HS6ST3: variants seen among roughly 807,000 people sequenced by gnomAD.
The protein encoded by HS6ST3 is heparan-sulfate 6-O-sulfotransferase 3.
HS6ST3 carries 12 observed loss-of-function variants against 36.7 expected under a neutral mutation model. That is an observed-to-expected ratio of 0.33 (90% CI 0.21 to 0.53). HS6ST3 has a LOEUF of 0.53. Ranked by LOEUF, HS6ST3 falls within the 20% of genes least tolerant of loss-of-function variation. The pLI is 0.95. For missense variants in HS6ST3, 584 were observed against 640.9 expected (o/e 0.91, Z 0.96); for synonymous variants, 240 against 257.5 (o/e 0.93, Z 0.65).
At chr13:96,731,938 A>G (rs1287475583) in intron 1 of HS6ST3, among the ~76,000 whole-genome samples, 1 of 152,084 alleles carries the variant, frequency 6.6e-6, no homozygotes, top group Non-Finnish European at 1.5e-5. Flanking sequence ...TTACAGGCAT[A>G]ATCTACCACA....
chr13:96,369,633 C>G (rs2055279867), intron 1 of HS6ST3, among the ~76,000 whole-genome samples: 1 of 152,144 alleles, frequency 6.6e-6, no homozygotes, highest in Non-Finnish European at 1.5e-5. Context: ...GTAGCAGACA[C>G]ACAACAAGAC....
At chr13:96,237,257 C>G (rs758086489) in intron 1 of HS6ST3, among the ~76,000 whole-genome samples, 9 of 152,170 alleles carry the variant, frequency 5.9e-5, no homozygotes, top group African/African-American at 9.7e-5. Context: ...AAGATAGAAG[C>G]CAACAGAATG....
rs145806205 is a variant in HS6ST3, at chr13:96,132,819, C to G, written c.707+41250C>G. ...GTCTTTTTGTTAGTAGCCATTATAACAGGTGTGAGGTAATATCTCATTGTG... is the reference window on the plus strand; with the variant it reads ...GTCTTTTTGTTAGTAGCCATTATAAGAGGTGTGAGGTAATATCTCATTGTG... On this transcript the variant is annotated intron_variant, in intron 1 of 1. Coordinates refer to ENST00000376705, the MANE Select transcript of HS6ST3 (RefSeq NM_153456.4). 3.1e-3 allele frequency among the ~76,000 whole-genome samples: 476 copies of G among 152,288 alleles called. 3 individuals carry two copies. Among genetic ancestry groups the G allele is most frequent in the African/African-American group, 0.011 (457 of 41,560 alleles).
intron 1 of HS6ST3, among the ~76,000 whole-genome samples, chr13:96,275,068 T>G (rs1445658065): frequency 6.6e-6 from 1 of 152,018 alleles, no homozygotes; most frequent in African/African-American, 2.4e-5. Context: ...AAAAACCTCC[T>G]CCCAACAAGG....
chr13:96,724,801 G>T (rs1022068391), intron 1 of HS6ST3, among the ~76,000 whole-genome samples: 2 of 152,066 alleles, frequency 1.3e-5, no homozygotes, highest in African/African-American at 4.8e-5. Flanking sequence ...TCTCAATCTT[G>T]CGATATTATA....
Position 96,617,995 on chromosome 13 carries a change from CA to C in HS6ST3, c.708-214493del, listed in dbSNP as rs371453153. 6.2e-4 allele frequency among the ~76,000 whole-genome samples: 94 copies of C among 152,302 alleles called. No homozygotes were observed. The East Asian group carries it at 0.018, about 29-fold the overall frequency. On this transcript the variant is annotated intron_variant, in intron 1 of 1. Coordinates refer to ENST00000376705, the MANE Select transcript of HS6ST3 (RefSeq NM_153456.4). Reference sequence around the variant, plus strand: ...ATCTCAATTAACTTAAACTGAAACTCAATAGTATACATGGGTTTCTATGTCA... The same window carrying C: ...ATCTCAATTAACTTAAACTGAAACTCATAGTATACATGGGTTTCTATGTCA...
chr13:96,368,717 CTTTT>C (rs1231926278), intron 1 of HS6ST3, among the ~76,000 whole-genome samples: 1 of 151,864 alleles, frequency 6.6e-6, no homozygotes. Context: ...TTTCCTCTTT[CTTTT>C]GTTTTTGACT....
chr13:96,556,072 A>G (rs1341090074), intron 1 of HS6ST3, among the ~76,000 whole-genome samples: 2 of 152,190 alleles, frequency 1.3e-5, no homozygotes, highest in Non-Finnish European at 2.9e-5. Context: ...AGTTTCAGGA[A>G]GAGTCTGAAG....
chr13:96,683,591 A>T (rs1440980520), intron 1 of HS6ST3, among the ~76,000 whole-genome samples: 1 of 152,098 alleles, frequency 6.6e-6, no homozygotes, highest in African/African-American at 2.4e-5. Flanking sequence ...ATTCATACCA[A>T]TAGATGTTAG....
At chr13:96,760,127 C>G (rs1335489373) in intron 1 of HS6ST3, among the ~76,000 whole-genome samples, 3 of 151,900 alleles carry the variant, frequency 2.0e-5, no homozygotes, top group South Asian at 2.1e-4. Context: ...TATTGTATAT[C>G]TAGAAGGAAA....
chr13:96,493,960 A>C (rs562591473), intron 1 of HS6ST3, among the ~76,000 whole-genome samples: 2 of 152,324 alleles, frequency 1.3e-5, no homozygotes, highest in South Asian at 4.1e-4. Flanking sequence ...AAAAGCCATT[A>C]GTTCAGAGTC....
At chr13:96,765,116 GA>G (rs1877070590) in intron 1 of HS6ST3, among the ~76,000 whole-genome samples, 1 of 141,398 alleles carries the variant, frequency 7.1e-6, no homozygotes, top group Non-Finnish European at 1.5e-5. Flanking sequence ...GCCCACGCCG[GA>G]CTGCGGACTG....
At chr13:96,170,995 G>A (rs2054185004) in intron 1 of HS6ST3, among the ~76,000 whole-genome samples, 1 of 152,170 alleles carries the variant, frequency 6.6e-6, no homozygotes, top group Non-Finnish European at 1.5e-5. Flanking sequence ...AAATGTTTGG[G>A]AAAGATTTAA....
chr13:96,284,914 T>G (rs9556546), intron 1 of HS6ST3, among the ~76,000 whole-genome samples: 13,890 of 50,906 alleles, frequency 0.27, 752 homozygotes, highest in African/African-American at 0.32. Context: ...ATATTTGCTT[T>G]CTTTCTTTCT....
intron 1 of HS6ST3, among the ~76,000 whole-genome samples, chr13:96,744,757 G>A (rs1360524058): frequency 6.6e-6 from 1 of 152,080 alleles, no homozygotes; most frequent in Non-Finnish European, 1.5e-5. Context: ...CAAGATGAAA[G>A]GGGAAATGTG....
chr13:96,455,307 C>T (rs1418375499), intron 1 of HS6ST3, among the ~76,000 whole-genome samples: 1 of 152,124 alleles, frequency 6.6e-6, no homozygotes, highest in Non-Finnish European at 1.5e-5. Flanking sequence ...CTCACTGCAG[C>T]CTCCTGGGCT....
intron 1 of HS6ST3, among the ~76,000 whole-genome samples, chr13:96,250,245 G>A (rs1391263104): frequency 6.6e-6 from 1 of 152,172 alleles, no homozygotes; most frequent in East Asian, 1.9e-4. Context: ...GGCAGTGGGA[G>A]AACAAACCCC....
intron 1 of HS6ST3, among the ~76,000 whole-genome samples, chr13:96,539,706 T>C (rs1276160775): frequency 1.3e-5 from 2 of 152,174 alleles, no homozygotes; most frequent in African/African-American, 4.8e-5. Flanking sequence ...ACCATTTTAA[T>C]TTATTCCTGG....
In HS6ST3 at chr13:96,090,974, G is replaced by C. The variant is rs761853786; in HGVS notation, c.112G>C (p.Gly38Arg). The C allele has an allele frequency of 5.7e-6, 8 of 1,406,024 alleles. No individual in the cohort carries two copies. The highest frequency in any genetic ancestry group is 3.5e-5 in the South Asian group (2 of 57,724). 87.1% of individuals were successfully genotyped at this position (1,406,024 alleles called of 1,614,324 possible). A position where few individuals can be genotyped will look rare whatever the true frequency, so the allele number is the denominator to read the frequency against. ...PSCTSSCTNF[G>R]EQPRAGEAGP... The stretch of plus-strand genomic sequence containing the variant: ...CTGCACCAGCTCCTGCACCAACTTC[G>C]GGGAGCAGCCCCGCGCGGGGGAGGC... Residue 38 changes from glycine to arginine, a missense_variant, in exon 1 of 2, where the codon GGG (glycine) becomes CGG (arginine). Gly to Arg is a moderately radical substitution (Grantham distance 125). Around this residue, in one of 3 missense-constraint regions of HS6ST3, gnomAD observed 217 missense variants for 205.4 expected, o/e 1.06. Coordinates refer to ENST00000376705, the MANE Select transcript of HS6ST3 (RefSeq NM_153456.4).
Sources: allele counts gnomAD v4.1 joint callset (sites outside exome capture counted in the v4.1 genomes callset), GRCh38; gene constraint gnomAD v4.1.1; regional missense constraint gnomAD v4.1.1; transcripts MANE v1.5; gene names NCBI Gene and HGNC (gene_info 2026-07-23, HGNC 2026-07-21).